The following RIF1 variants were observed in gnomAD, a reference collection of about 807,000 sequenced individuals.
RIF1 encodes the protein replication timing regulatory factor 1, also known as telomere-associated protein RIF1.
A neutral mutation model predicts 247.1 loss-of-function variants in RIF1; 45 were observed. The ratio of observed to expected loss-of-function variants is 0.18; its 90% CI spans 0.14 to 0.23. RIF1 has a LOEUF of 0.23. RIF1 is among the 10% of genes least tolerant of loss of function. The pLI is 1.00. For missense variants in RIF1, 2,967 were observed against 2,862.5 expected (o/e 1.04, Z -0.83); for synonymous variants, 1,087 against 978.8 (o/e 1.11, Z -2.06).
At chr2:151,454,212 A>G (rs1021676220) in intron 21 of RIF1, among the ~76,000 whole-genome samples, 4 of 152,216 alleles carry the variant, frequency 2.6e-5, no homozygotes, top group Non-Finnish European at 5.9e-5. Context: ...CCTTAAAAGA[A>G]TGGATTGATT....
Position 151,413,641 on chromosome 2 carries a change from A to T in RIF1, c.184-1182A>T, listed in dbSNP as rs117085783. 9.3e-4 allele frequency among the ~76,000 whole-genome samples: 142 copies of T among 152,210 alleles called. 1 individual carries two copies. The highest frequency in any genetic ancestry group is 1.6e-3 in the Admixed American group (25 of 15,282). On this transcript the variant is annotated intron_variant, in intron 3 of 35. Transcript: ENST00000444746. ...TTACTAGCTGTTATCCAGGAGATAC[A>T]CTAGTAGCTCTCAAAGTATTAAGCC...
chr2:151,492,592 G>A (rs929213031), intron 9 of RIF1: 12 of 848,272 alleles, frequency 1.4e-5, no homozygotes, highest in African/African-American at 8.5e-5. Context: ...GGTGAGGGAC[G>A]CTTGGGTCAA....
intron 2 of RIF1, among the ~76,000 whole-genome samples, chr2:151,411,006 T>G (rs1337758319): frequency 1.3e-5 from 2 of 152,248 alleles, no homozygotes; most frequent in African/African-American, 4.8e-5. Context: ...GGGATCCCTG[T>G]TCTGTCTTTT....
At chr2:151,525,175 C>T in the RIF1 span, 6 of 1,613,590 alleles carry the variant, frequency 3.7e-6, no homozygotes, top group Non-Finnish European at 5.1e-6. Context: ...CACTTTGCTT[C>T]TTGGCCACTT....
intron 35 of RIF1, 33 bp downstream of exon 35, chr2:151,474,105 TAGA>T: frequency 1.0e-6 from 1 of 986,530 alleles, no homozygotes. Flanking sequence ...TAATTTTATT[TAGA>T]AGATCAGCTG....
At chr2:151,467,534 A>G (rs951282042) in intron 30 of RIF1, among the ~76,000 whole-genome samples, 6 of 152,018 alleles carry the variant, frequency 3.9e-5, no homozygotes, top group African/African-American at 1.2e-4. Flanking sequence ...TAGTAGAGAT[A>G]AGGTTTCACC....
intron 4 of RIF1, 25 bp from the exon 5 acceptor site, chr2:151,416,536 A>G (rs1300937489): frequency 6.4e-7 from 1 of 1,572,504 alleles, no homozygotes; most frequent in Non-Finnish European, 8.6e-7. Context: ...TATTCTATAC[A>G]AAATTAAAAC....
At position 151,418,968 on chromosome 2, in the gene RIF1, CTTTTT is replaced by C. The variant is rs36020810; in HGVS notation, c.504-1203_504-1199del. Among the ~76,000 whole-genome samples, 11 of 111,742 alleles carry C rather than the reference CTTTTT, an allele frequency of 9.8e-5. No homozygotes were observed. The East Asian group carries it at 1.5e-3, about 16-fold the overall frequency. The allele number at this position is 111,742 out of a possible 152,430, so 73.3% of individuals were successfully genotyped here. ...ATCCTTATTCTAGGAGCCTTAAATT[CTTTTT>C]TTTTTTTTTTTTTTTTTTAACTTTC... On this transcript the variant is annotated intron_variant, in intron 6 of 35. Transcript: ENST00000444746.
rs555229135 is a variant in RIF1, at chr2:151,423,971, C to T, written c.786+929C>T. On this transcript the variant is annotated intron_variant, in intron 8 of 35. Transcript: ENST00000444746. ...GTAAACTTCCTCTGCCCTCCTCCTGCACCCAGACATCACCCTTTGGTAATG... is the reference window on the plus strand; with the variant it reads ...GTAAACTTCCTCTGCCCTCCTCCTGTACCCAGACATCACCCTTTGGTAATG... 1.7e-4 allele frequency among the ~76,000 whole-genome samples: 26 copies of T among 152,328 alleles called. No homozygotes were observed. In the South Asian group the frequency reaches 5.4e-3, roughly 32 times the overall value.
intron 11 of RIF1, chr2:151,501,518 G>T: frequency 8.0e-7 from 1 of 1,248,372 alleles, no homozygotes; most frequent in South Asian, 2.1e-5. Context: ...AATCAACCTG[G>T]ACCCATCATT....
At chr2:151,424,350 C>T (rs1688648898) in intron 8 of RIF1, among the ~76,000 whole-genome samples, 1 of 152,210 alleles carries the variant, frequency 6.6e-6, no homozygotes, top group Admixed American at 6.5e-5. Context: ...TATCTGCCCA[C>T]CTCGGCCTCC....
intron 9 of RIF1, chr2:151,490,544 T>G: frequency 6.2e-7 from 1 of 1,603,182 alleles, no homozygotes; most frequent in Non-Finnish European, 8.5e-7. Flanking sequence ...TTGGGGGAGA[T>G]GTAGCAAACA....
the RIF1 span, chr2:151,529,412 A>T: frequency 1.3e-6 from 1 of 787,986 alleles, no homozygotes; most frequent in Non-Finnish European, 2.2e-6. Context: ...ACTATAGTAC[A>T]CAATGCTCCT....
At chr2:151,466,188 CCT>C (rs1373887800) in intron 30 of RIF1, 68 bp downstream of exon 30, 1 of 843,418 alleles carries the variant, frequency 1.2e-6, no homozygotes, top group Admixed American at 2.5e-5. Context: ...CATACAGTGA[CCT>C]CTGGTGAATG....
rs746891856 is a variant in RIF1 at position 151,462,290 on chromosome 2, C to T, written c.3276C>T (p.Thr1092=). Residue 1092 remains threonine (T), a synonymous_variant, in exon 28 of 36, where the codon ACC becomes ACT. Transcript: ENST00000444746. ...MYNNLDVSQD[T]LFTQYSQEEP... ...ATAATCTGGATGTTTCCCAAGATAC[C>T]TTATTTACTCAGTATAGTCAGGAAG... 2.5e-6 allele frequency: 4 copies of T among 1,588,062 alleles called. No individual in the cohort carries two copies. Among genetic ancestry groups the T allele is most frequent in the Non-Finnish European group, 2.6e-6 (3 of 1,164,056 alleles).
At chr2:151,513,490 C>A in the RIF1 span, 3 of 926,450 alleles carry the variant, frequency 3.2e-6, no homozygotes, top group East Asian at 5.3e-5. Flanking sequence ...ATGTGACTGT[C>A]ACCAATAAAT....
At position 151,463,650 on chromosome 2, in the gene RIF1, A is replaced by G. The variant is rs1696514496; in HGVS notation, c.4130A>G (p.Asn1377Ser). 6.2e-7 allele frequency: 1 copy of G among 1,613,922 alleles called. No homozygotes were observed. Among genetic ancestry groups the G allele is most frequent in the Non-Finnish European group, 8.5e-7 (1 of 1,179,920 alleles). ...GAAACTAATACTGTAGAGGAGAAAAATGTAGAAATTAATTTGGAATCCAAA... is the reference window on the plus strand; with the variant it reads ...GAAACTAATACTGTAGAGGAGAAAAGTGTAGAAATTAATTTGGAATCCAAA... ...LLETNTVEEK[N>S]VEINLESKEN... The change falls in exon 30 of 36, where the codon AAT becomes AGT. Residue 1377 changes from asparagine (N) to serine (S), a missense_variant. Transcript: ENST00000444746.
intron 13 of RIF1, chr2:151,506,837 G>T (rs1405835385): frequency 2.1e-6 from 2 of 972,024 alleles, no homozygotes; most frequent in Non-Finnish European, 3.3e-6. Context: ...TCAATATAAG[G>T]CTAGTATATT....
the RIF1 span, chr2:151,534,221 G>C: frequency 6.2e-7 from 1 of 1,613,108 alleles, no homozygotes; most frequent in South Asian, 1.1e-5. Flanking sequence ...GTACCTGACT[G>C]ATCTGGTCGC....
Sources: gnomAD v4.1 joint callset for allele counts (sites outside exome capture counted in the v4.1 genomes callset) on GRCh38, gnomAD v4.1.1 for gene constraint, MANE v1.5 for transcripts, NCBI Gene and HGNC (gene_info 2026-07-23, HGNC 2026-07-21) for gene names.